COL5A2: variants seen among roughly 807,000 people sequenced by gnomAD.
COL5A2 encodes collagen type V alpha 2 chain.
A neutral mutation model predicts 208.2 loss-of-function variants in COL5A2; 23 were observed. That is an observed-to-expected ratio of 0.11 (90% CI 0.08 to 0.16). The LOEUF (loss-of-function observed/expected upper bound fraction) is 0.16, where lower values mean the gene tolerates loss of function less well. Ranked by LOEUF, COL5A2 falls within the 10% of genes least tolerant of loss-of-function variation. The pLI is 1.00. For missense variants in COL5A2, 1,590 were observed against 1,956.4 expected (o/e 0.81, Z 3.53); for synonymous variants, 625 against 628.5 (o/e 0.99, Z 0.08).
chr2:189,112,134 G>C (rs1369653829), intron 1 of COL5A2, among the ~76,000 whole-genome samples: 1 of 152,166 alleles, frequency 6.6e-6, no homozygotes, highest in Admixed American at 6.5e-5. Flanking sequence ...TGGGATTACA[G>C]CCGTGAACCA....
At chr2:189,376,751 C>T in the COL5A2 span, among the ~76,000 whole-genome samples, 10 of 152,070 alleles carry the variant, frequency 6.6e-5, no homozygotes, top group South Asian at 2.1e-3. Context: ...TTTACCTTTC[C>T]CTTGGTAATC....
At chr2:189,156,398 T>C (rs367583116) in intron 1 of COL5A2, among the ~76,000 whole-genome samples, 8 of 152,266 alleles carry the variant, frequency 5.3e-5, no homozygotes, top group South Asian at 4.1e-4. Flanking sequence ...CTGCAGAATT[T>C]TAAAAATATA....
At chr2:189,427,833 G>A in the COL5A2 span, among the ~76,000 whole-genome samples, 4 of 152,102 alleles carry the variant, frequency 2.6e-5, no homozygotes, top group Non-Finnish European at 5.9e-5. Context: ...TTTCTCCCTC[G>A]GAATAGAAGT....
the COL5A2 span, among the ~76,000 whole-genome samples, chr2:189,361,896 C>T: frequency 2.0e-5 from 3 of 152,070 alleles, no homozygotes; most frequent in African/African-American, 7.2e-5. Context: ...AAAATCTCTG[C>T]ACTTTAATAC....
chr2:189,204,158 A>G (rs1689115475), intron 1 of COL5A2, among the ~76,000 whole-genome samples: 1 of 152,166 alleles, frequency 6.6e-6, no homozygotes, highest in Non-Finnish European at 1.5e-5. Context: ...CGGCCTCCCA[A>G]AGTGCTGGGA....
chr2:189,129,755 C>T (rs1358743222), intron 1 of COL5A2, among the ~76,000 whole-genome samples: 1 of 151,972 alleles, frequency 6.6e-6, no homozygotes, highest in Non-Finnish European at 1.5e-5. Flanking sequence ...ATAATTCAGC[C>T]ATTTACCAAA....
chr2:189,328,917 C>T, the COL5A2 span, among the ~76,000 whole-genome samples: 3 of 152,124 alleles, frequency 2.0e-5, no homozygotes, highest in Non-Finnish European at 4.4e-5. Context: ...GGTTGAATCT[C>T]ATTAATTAAT....
At chr2:189,086,605 G>A (rs1304136593) in intron 9 of COL5A2, 121 bp downstream of exon 9, 5 of 720,824 alleles carry the variant, frequency 6.9e-6, no homozygotes, top group Non-Finnish European at 1.2e-5. Flanking sequence ...TGTTTGAAGT[G>A]AGCATTACAA....
At chr2:189,418,177 A>G in the COL5A2 span, among the ~76,000 whole-genome samples, 1 of 152,202 alleles carries the variant, frequency 6.6e-6, no homozygotes, top group African/African-American at 2.4e-5. Flanking sequence ...AAAAAAAATG[A>G]CATGTCTTTC....
the COL5A2 span, among the ~76,000 whole-genome samples, chr2:189,357,948 C>G: frequency 6.6e-6 from 1 of 151,996 alleles, no homozygotes. Flanking sequence ...CATGGCACAG[C>G]CCCTCACGGC....
Position 189,039,507 on chromosome 2 carries a change from T to A in COL5A2, c.3690A>T (p.Thr1230=). The change falls in exon 51 of 54, where the codon ACA becomes ACT. Residue 1230 remains threonine, a synonymous_variant. Transcript: ENST00000374866. ...GCCCCATGATATCCCCAAGAGCAGC[T>A]GTAAGGTGGCCAGGGGGACCCGGAG... The part of the protein sequence containing the change: ...PGPPGPPGHL[T]AALGDIMGHY... 3 of 1,613,842 alleles carry A rather than the reference T, an allele frequency of 1.9e-6. No individual in the cohort carries two copies. The highest frequency in any genetic ancestry group is 1.7e-4 in the Middle Eastern group (1 of 6,022).
At chr2:189,438,701 T>C in the COL5A2 span, among the ~76,000 whole-genome samples, 2 of 152,186 alleles carry the variant, frequency 1.3e-5, no homozygotes, top group South Asian at 4.1e-4. Flanking sequence ...ACTGGGGAAT[T>C]CTTTGAGGTG....
chr2:189,150,473 AT>A (rs1473465344), intron 1 of COL5A2, among the ~76,000 whole-genome samples: 2 of 152,112 alleles, frequency 1.3e-5, no homozygotes, highest in Non-Finnish European at 2.9e-5. Context: ...GGACATGCTA[AT>A]TTTTTATGTA....
At chr2:189,081,907 T>G (rs754579366) in intron 12 of COL5A2, among the ~76,000 whole-genome samples, 1 of 152,210 alleles carries the variant, frequency 6.6e-6, no homozygotes, top group Non-Finnish European at 1.5e-5. Context: ...TATTATGGCC[T>G]ATATTAATTT....
the COL5A2 span, among the ~76,000 whole-genome samples, chr2:189,235,151 C>T: frequency 6.6e-6 from 1 of 151,606 alleles, no homozygotes; most frequent in African/African-American, 2.4e-5. Flanking sequence ...TCAGTAGCCA[C>T]ATGAGTCCAG....
chr2:189,145,007 G>C (rs1688010695), intron 1 of COL5A2, among the ~76,000 whole-genome samples: 1 of 152,104 alleles, frequency 6.6e-6, no homozygotes, highest in South Asian at 2.1e-4. Flanking sequence ...TTAGAGTTTA[G>C]AACCTCATGG....
At chr2:189,041,038 A>C (rs967774668) in intron 50 of COL5A2, among the ~76,000 whole-genome samples, 1 of 152,346 alleles carries the variant, frequency 6.6e-6, no homozygotes, top group Non-Finnish European at 1.5e-5. Context: ...ACATGAGTAC[A>C]CCTGTGCATG....
intron 3 of COL5A2, among the ~76,000 whole-genome samples, chr2:189,103,134 G>T (rs554418516): frequency 1.3e-5 from 2 of 151,966 alleles, no homozygotes; most frequent in Non-Finnish European, 2.9e-5. Flanking sequence ...ATGCATCCAT[G>T]CATCCATCCA....
In COL5A2 at chr2:189,068,244, A is replaced by T; in HGVS notation, c.1284T>A (p.Pro428=). 1 of 1,613,926 alleles carries T rather than the reference A, an allele frequency of 6.2e-7. No individual in the cohort carries two copies. The highest frequency in any genetic ancestry group is 8.5e-7 in the Non-Finnish European group (1 of 1,179,788). ...LPGAIGTDGT[P]GAKGPTGSPG... is the part of the protein sequence containing the mutation. ...TACTCACCGTTGGGCCTTTGGCACCAGGAGTACCATCAGTTCCTATTGCAC... is the reference window on the plus strand; with the variant it reads ...TACTCACCGTTGGGCCTTTGGCACCTGGAGTACCATCAGTTCCTATTGCAC... The change falls in exon 20 of 54, where the codon CCT becomes CCA. Residue 428 remains proline (P), a synonymous_variant. Transcript: ENST00000374866.
Sources: allele counts gnomAD v4.1 joint callset (sites outside exome capture counted in the v4.1 genomes callset), GRCh38; gene constraint gnomAD v4.1.1; transcripts MANE v1.5; gene names NCBI Gene and HGNC (gene_info 2026-07-23, HGNC 2026-07-21).